PRKG2: variants seen among roughly 807,000 people sequenced by gnomAD.
PRKG2 encodes the protein cGMP-dependent protein kinase 2.
PRKG2 carries 33 observed loss-of-function variants against 97.2 expected under a neutral mutation model. The observed-to-expected ratio is 0.34, with a 90% CI of 0.26 to 0.45. The LOEUF (loss-of-function observed/expected upper bound fraction) is 0.45. Ranked by LOEUF, PRKG2 falls within the 20% of genes least tolerant of loss-of-function variation. The probability of loss-of-function intolerance (pLI) is 1.00; values close to 1 mark genes in which losing one functional copy is unlikely to be tolerated. For missense variants in PRKG2, 638 were observed against 900.0 expected, an observed-to-expected ratio of 0.71 and a Z score of 3.73; for synonymous variants, 330 against 321.8, an observed-to-expected ratio of 1.03 and a Z score of -0.27.
chr4:81,217,618 G>C (rs913544461), upstream of PRKG2, among the ~76,000 whole-genome samples: 1 of 152,200 alleles, frequency 6.6e-6, no homozygotes, highest in Non-Finnish European at 1.5e-5. Flanking sequence ...ATTAACTTGT[G>C]ATCTCTGCCA....
At chr4:81,214,144 T>C (rs1399834488) in intron 1 of PRKG2, among the ~76,000 whole-genome samples, 1 of 123,806 alleles carries the variant, frequency 8.1e-6, no homozygotes, top group Non-Finnish European at 1.6e-5. Flanking sequence ...TGTATGTTGC[T>C]CTCTTCCTTA....
chr4:81,169,825 C>CA, intron 4 of PRKG2, 57 bp from the exon 5 acceptor site: 1 of 1,122,386 alleles, frequency 8.9e-7, no homozygotes, highest in Non-Finnish European at 1.3e-6. Context: ...GAAAACATTC[C>CA]AAAATATAAA....
chr4:81,163,395 C>T (rs1486521883), intron 6 of PRKG2, among the ~76,000 whole-genome samples: 1 of 152,126 alleles, frequency 6.6e-6, no homozygotes, highest in African/African-American at 2.4e-5. Flanking sequence ...TAGACCCTAT[C>T]CTGCAGAGCA....
chr4:81,206,342 G>A (rs115336332), intron 1 of PRKG2, among the ~76,000 whole-genome samples: 294 of 152,288 alleles, frequency 1.9e-3, no homozygotes, highest in African/African-American at 6.7e-3. Flanking sequence ...GACCCAATGG[G>A]AGCTAACTGA....
chr4:81,187,128 G>A (rs1207122772), intron 2 of PRKG2, among the ~76,000 whole-genome samples: 2 of 152,228 alleles, frequency 1.3e-5, no homozygotes, highest in Non-Finnish European at 2.9e-5. Flanking sequence ...CATTTTATGA[G>A]GCCAGCATCA....
At chr4:81,181,791 T>G (rs999685103) in intron 2 of PRKG2, among the ~76,000 whole-genome samples, 1 of 151,950 alleles carries the variant, frequency 6.6e-6, no homozygotes, top group Non-Finnish European at 1.5e-5. Context: ...GTTCATACTA[T>G]GTAGTCCAGC....
intron 2 of PRKG2, among the ~76,000 whole-genome samples, chr4:81,189,091 A>AAAAAAAAAC: frequency 8.5e-6 from 1 of 117,804 alleles, no homozygotes; most frequent in African/African-American, 5.2e-5. Flanking sequence ...AAAAAAAAAA[A>AAAAAAAAAC]AGAAGCTAGC....
intron 2 of PRKG2, among the ~76,000 whole-genome samples, chr4:81,180,472 T>G (rs1053617089): frequency 1.3e-5 from 2 of 152,114 alleles, no homozygotes; most frequent in African/African-American, 2.4e-5. Flanking sequence ...AAACATCAAT[T>G]AAAAATAAAT....
At chr4:81,104,035 AAAACAAAC>A (rs71664829) in intron 17 of PRKG2, among the ~76,000 whole-genome samples, 2 of 151,740 alleles carry the variant, frequency 1.3e-5, no homozygotes, top group Admixed American at 6.6e-5. Flanking sequence ...TGTCATAAGA[AAAACAAAC>A]AAACAAACAA....
chr4:81,091,928 T>C lies in PRKG2; in HGVS notation c.2193+458A>G, dbSNP rs184045194. On this transcript the variant is annotated intron_variant, in intron 18 of 18. Transcript: ENST00000264399. ...TAAAATTCACTTGGGATTTAGAAAA[T>C]TTATTATGGAAAAATAAACATAACC... 7.0e-4 allele frequency among the ~76,000 whole-genome samples: 106 copies of C among 152,270 alleles called. No individual in the cohort carries two copies. In the Middle Eastern group the frequency reaches 0.01, roughly 15 times the overall value.
At chr4:81,194,078 G>A (rs1360366494) in intron 2 of PRKG2, among the ~76,000 whole-genome samples, 1 of 152,126 alleles carries the variant, frequency 6.6e-6, no homozygotes, top group East Asian at 1.9e-4. Context: ...GAATGTGCCC[G>A]CTTTCCTTTG....
chr4:81,205,472 C>A (rs1245354302), intron 1 of PRKG2, among the ~76,000 whole-genome samples: 2 of 152,214 alleles, frequency 1.3e-5, no homozygotes, highest in African/African-American at 4.8e-5. Context: ...GGAAATGTCA[C>A]AACTTTCATA....
At chr4:81,158,605 T>A (rs1749320278) in intron 6 of PRKG2, among the ~76,000 whole-genome samples, 1 of 151,978 alleles carries the variant, frequency 6.6e-6, no homozygotes, top group Non-Finnish European at 1.5e-5. Context: ...TACTTTAAAC[T>A]TCATATGGAA....
At chr4:81,116,605 C>T (rs1425050771) in intron 14 of PRKG2, among the ~76,000 whole-genome samples, 1 of 152,156 alleles carries the variant, frequency 6.6e-6, no homozygotes, top group Non-Finnish European at 1.5e-5. Flanking sequence ...ACACTGCTTT[C>T]CACAATAGCT....
rs1218997329 is a variant in PRKG2 at position 81,204,964 on chromosome 4, G to A, written c.84C>T (p.Asn28=). Residue 28 remains asparagine, a synonymous_variant, in exon 2 of 19, where the codon AAC becomes AAT. Coordinates refer to ENST00000264399, the MANE Select transcript of PRKG2 (RefSeq NM_006259.3). ...SGNLTTDALR[N]KVTELERELR... is the part of the protein sequence containing the mutation. Reference sequence around the variant, plus strand: ...ACTCTCTCTCCAGCTCTGTCACCTTGTTCCGCAGAGCATCAGTGGTGAGGT... The same window carrying A: ...ACTCTCTCTCCAGCTCTGTCACCTTATTCCGCAGAGCATCAGTGGTGAGGT... 6.2e-6 allele frequency: 10 copies of A among 1,613,976 alleles called. No homozygotes were observed. The highest frequency in any genetic ancestry group is 7.6e-6 in the Non-Finnish European group (9 of 1,180,040).
In PRKG2 at chr4:81,139,781, CAA is replaced by C. The variant is rs548249378; in HGVS notation, c.1544+750_1544+751del. Reference sequence around the variant, plus strand: ...CACAGCTAGATTCCGTCTCAAAAGACAAAAAAAAAAAAAAAAAAAGAATCAAA... The same window carrying C: ...CACAGCTAGATTCCGTCTCAAAAGACAAAAAAAAAAAAAAAAAGAATCAAA... On this transcript the variant is annotated intron_variant, in intron 12 of 18. Coordinates refer to ENST00000264399, the MANE Select transcript of PRKG2 (RefSeq NM_006259.3). Among the ~76,000 whole-genome samples the C allele has an allele frequency of 2.2e-3, 168 of 75,320 alleles. 1 individual carries two copies. The highest frequency in any genetic ancestry group is 4.8e-3 in the African/African-American group (121 of 25,020). The allele number at this position is 75,320 out of a possible 152,430, so 49.4% of individuals were successfully genotyped here. A position where few individuals can be genotyped will look rare whatever the true frequency, so the allele number is the denominator to read the frequency against.
At chr4:81,102,395 T>G (rs1319838676) in intron 17 of PRKG2, among the ~76,000 whole-genome samples, 1 of 152,170 alleles carries the variant, frequency 6.6e-6, no homozygotes, top group Admixed American at 6.5e-5. Flanking sequence ...AAAGGAAGAA[T>G]GTATATTGGA....
At chr4:81,198,882 T>C (rs922269085) in intron 2 of PRKG2, among the ~76,000 whole-genome samples, 4 of 152,152 alleles carry the variant, frequency 2.6e-5, no homozygotes, top group East Asian at 1.9e-4. Flanking sequence ...CTATGAAATA[T>C]AACCTTTTGT....
chr4:81,199,360 A>G (rs1157660940), intron 2 of PRKG2, among the ~76,000 whole-genome samples: 3 of 152,188 alleles, frequency 2.0e-5, no homozygotes, highest in Non-Finnish European at 2.9e-5. Flanking sequence ...CTGATTATAT[A>G]TGTAATTTTT....
Sources: gnomAD v4.1 joint callset for allele counts (sites outside exome capture counted in the v4.1 genomes callset) on GRCh38, gnomAD v4.1.1 for gene constraint, MANE v1.5 for transcripts, NCBI Gene and HGNC (gene_info 2026-07-23, HGNC 2026-07-21) for gene names.